Variants in EDA observed in about 807,000 individuals in gnomAD.
EDA encodes the protein ectodysplasin-A.
Under a neutral mutation model 23.6 loss-of-function variants are expected in EDA, and 2 were observed. That is an observed-to-expected ratio of 0.08 (90% CI 0.03 to 0.27). The LOEUF (loss-of-function observed/expected upper bound fraction) is 0.27, where lower values mean the gene tolerates loss of function less well. Ranked by LOEUF, EDA falls within the 10% of genes least tolerant of loss-of-function variation. The pLI is 1.00. For missense variants in EDA, 229 were observed against 324.2 expected, an observed-to-expected ratio of 0.71 and a Z score of 2.26; for synonymous variants, 131 against 132.0, an observed-to-expected ratio of 0.99 and a Z score of 0.05.
chrX:69,829,874 C>T (rs1296335769), intron 1 of EDA, among the ~76,000 whole-genome samples: 1 of 111,638 alleles, frequency 9.0e-6, no homozygotes, highest in Non-Finnish European at 1.9e-5. Flanking sequence ...AACATCAAAC[C>T]ACATTTCTCT....
intron 1 of EDA, among the ~76,000 whole-genome samples, chrX:69,757,147 C>T (rs994366582): frequency 5.4e-5 from 6 of 112,068 alleles, no homozygotes; most frequent in Non-Finnish European, 1.1e-4. Flanking sequence ...TCCCTTTTCT[C>T]TTCCCCAGTG....
At chrX:69,709,754 A>G (rs906231462) in intron 1 of EDA, among the ~76,000 whole-genome samples, 12 of 112,193 alleles carry the variant, frequency 1.1e-4, no homozygotes, top group African/African-American at 3.9e-4. Flanking sequence ...CTCAACCTCC[A>G]GAGGAACTGG....
chrX:69,798,258 C>A (rs925940421), intron 1 of EDA, among the ~76,000 whole-genome samples: 1 of 110,984 alleles, frequency 9.0e-6, no homozygotes, highest in Non-Finnish European at 1.9e-5. Flanking sequence ...GACAGATTAT[C>A]TAAATAGAAA....
At chrX:69,770,268 G>C (rs148134996) in intron 1 of EDA, among the ~76,000 whole-genome samples, 1,741 of 111,875 alleles carry the variant, frequency 0.016, 31 homozygotes, top group African/African-American at 0.055. Flanking sequence ...GCAATTGATG[G>C]ATTGTATGGT....
intron 1 of EDA, among the ~76,000 whole-genome samples, chrX:69,863,720 TATAC>T (rs1456351019): frequency 3.7e-5 from 4 of 107,695 alleles, no homozygotes; most frequent in African/African-American, 1.4e-4. Flanking sequence ...CATATATGTA[TATAC>T]ATACATATGT....
At chrX:69,793,705 T>A (rs2015475708) in intron 1 of EDA, among the ~76,000 whole-genome samples, 1 of 109,578 alleles carries the variant, frequency 9.1e-6, no homozygotes, top group Non-Finnish European at 1.9e-5. Context: ...TCTCTTTATG[T>A]CAGAGCAAAA....
intron 1 of EDA, among the ~76,000 whole-genome samples, chrX:69,871,518 A>G (rs1179092514): frequency 9.0e-6 from 1 of 111,526 alleles, no homozygotes; most frequent in African/African-American, 3.3e-5. Context: ...CTAGGAGGCT[A>G]GGCCCGTCTC....
At chrX:70,001,379 C>T (rs2019738239) in intron 2 of EDA, among the ~76,000 whole-genome samples, 3 of 91,915 alleles carry the variant, frequency 3.3e-5, no homozygotes, top group Admixed American at 2.1e-4. Flanking sequence ...TCAATGTAAT[C>T]GCTGTTTGTG....
chrX:69,858,905 T>A (rs1219706922), intron 1 of EDA, among the ~76,000 whole-genome samples: 2 of 111,516 alleles, frequency 1.8e-5, no homozygotes, highest in African/African-American at 6.5e-5. Flanking sequence ...GCCTCACTTA[T>A]GGAGCTTGTT....
At chrX:69,863,170 G>T (rs1569358791) in intron 1 of EDA, among the ~76,000 whole-genome samples, 1 of 109,710 alleles carries the variant, frequency 9.1e-6, no homozygotes, top group Non-Finnish European at 1.9e-5. Context: ...TGCCTCTCCT[G>T]CACAGTAAGG....
intron 1 of EDA, among the ~76,000 whole-genome samples, chrX:69,827,700 C>T (rs370229994): frequency 2.7e-5 from 3 of 112,211 alleles, no homozygotes; most frequent in African/African-American, 9.7e-5. Flanking sequence ...TCTCTCAGCT[C>T]GTCAAAGTCA....
intron 1 of EDA, among the ~76,000 whole-genome samples, chrX:69,638,322 A>G (rs1200127127): frequency 8.9e-6 from 1 of 112,116 alleles, no homozygotes; most frequent in Non-Finnish European, 1.9e-5. Flanking sequence ...CAAGCAAGAG[A>G]AGTTCATGAA....
chrX:69,704,598 G>T (rs1481422152), intron 1 of EDA, among the ~76,000 whole-genome samples: 3 of 109,623 alleles, frequency 2.7e-5, no homozygotes, highest in African/African-American at 6.6e-5. Flanking sequence ...GGTGAGGAGT[G>T]GGGGGAGTGG....
chrX:69,706,571 A>G (rs1220972777), intron 1 of EDA, among the ~76,000 whole-genome samples: 1 of 105,827 alleles, frequency 9.4e-6, no homozygotes, highest in African/African-American at 3.5e-5. Context: ...TGAAACTTCA[A>G]TCAAACACAT....
At chrX:69,837,077 A>T (rs2147553930) in intron 1 of EDA, among the ~76,000 whole-genome samples, 1 of 111,323 alleles carries the variant, frequency 9.0e-6, no homozygotes, top group African/African-American at 3.3e-5. Flanking sequence ...ATATATATTT[A>T]TTGGGTGCAT....
At chrX:69,634,013 C>T (rs745978906) in intron 1 of EDA, among the ~76,000 whole-genome samples, 2 of 112,243 alleles carry the variant, frequency 1.8e-5, no homozygotes, top group East Asian at 5.6e-4. Flanking sequence ...CTCCACATCC[C>T]TGCCAACGCT....
At chrX:69,824,712 C>G (rs2016356539) in intron 1 of EDA, among the ~76,000 whole-genome samples, 1 of 88,277 alleles carries the variant, frequency 1.1e-5, no homozygotes, top group Non-Finnish European at 2.2e-5. Flanking sequence ...CCTAATTGCC[C>G]TGGCCAGAAC....
At chrX:69,692,356 G>C (rs1488988463) in intron 1 of EDA, among the ~76,000 whole-genome samples, 1 of 111,519 alleles carries the variant, frequency 9.0e-6, no homozygotes, top group East Asian at 2.8e-4. Flanking sequence ...TGGTAGGAAA[G>C]CATCTCCCAG....
At chrX:69,778,919 A>G (rs1210461628) in intron 1 of EDA, among the ~76,000 whole-genome samples, 3 of 111,837 alleles carry the variant, frequency 2.7e-5, no homozygotes, top group Admixed American at 9.5e-5. Context: ...GACAGAATTC[A>G]TAAGATTTCT....
Sources: allele counts gnomAD v4.1 joint callset (sites outside exome capture counted in the v4.1 genomes callset), GRCh38; gene constraint gnomAD v4.1.1; transcripts MANE v1.5; gene names NCBI Gene and HGNC (gene_info 2026-07-23, HGNC 2026-07-21).